The following NOP58 variants were observed in gnomAD, a reference collection of about 807,000 sequenced individuals.
NOP58 encodes the protein nucleolar protein 58.
A neutral mutation model predicts 71.2 loss-of-function variants in NOP58; 44 were observed. The observed-to-expected ratio is 0.62, with a 90% CI of 0.49 to 0.79. NOP58 has a LOEUF of 0.79. Ranked by LOEUF, NOP58 falls within the 30% of genes least tolerant of loss-of-function variation. The pLI, the probability that NOP58 is intolerant of heterozygous loss-of-function variation, is 0.00. For missense variants in NOP58, 538 were observed against 620.2 expected, an observed-to-expected ratio of 0.87 and a Z score of 1.41; for synonymous variants, 228 against 200.3, an observed-to-expected ratio of 1.14 and a Z score of -1.17.
chr2:202,270,914 C>T (rs1275915005), intron 1 of NOP58, among the ~76,000 whole-genome samples: 2 of 151,478 alleles, frequency 1.3e-5, no homozygotes, highest in African/African-American at 4.9e-5. Context: ...ATAGTGAAAC[C>T]CCGTCTCTAC....
At chr2:202,271,058 T>TGCGTGACAGG (rs1033597381) in intron 1 of NOP58, among the ~76,000 whole-genome samples, 1 of 151,684 alleles carries the variant, frequency 6.6e-6, no homozygotes, top group African/African-American at 2.4e-5. Context: ...CTCCCCAGCC[T>TGCGTGACAGG]GCGTGACAGG....
intron 7 of NOP58, 68 bp downstream of exon 7, chr2:202,290,525 G>A (rs1003656095): frequency 1.5e-5 from 21 of 1,358,832 alleles, no homozygotes; most frequent in Admixed American, 2.1e-5. Flanking sequence ...AAAACATGAC[G>A]TATAGCATTT....
At chr2:202,297,749 G>A (rs1296097530) in intron 11 of NOP58, 96 bp from the exon 12 acceptor site, 1 of 819,408 alleles carries the variant, frequency 1.2e-6, no homozygotes, top group African/African-American at 1.7e-5. Flanking sequence ...AGCAGAAATT[G>A]CTGTTTGCTG....
intron 3 of NOP58, among the ~76,000 whole-genome samples, chr2:202,278,533 G>A (rs1178366226): frequency 6.6e-6 from 1 of 152,176 alleles, no homozygotes; most frequent in Non-Finnish European, 1.5e-5. Context: ...CAGAAGAATG[G>A]ATGACTCATA....
intron 12 of NOP58, among the ~76,000 whole-genome samples, chr2:202,298,542 G>T (rs1418734852): frequency 6.6e-6 from 1 of 152,052 alleles, no homozygotes; most frequent in Non-Finnish European, 1.5e-5. Context: ...TGAGGCAGGA[G>T]AATTGCTTGA....
chr2:202,293,315 G>T (rs1688935748), intron 9 of NOP58, among the ~76,000 whole-genome samples: 1 of 152,000 alleles, frequency 6.6e-6, no homozygotes, highest in Non-Finnish European at 1.5e-5. Context: ...TTGTGCCCTT[G>T]ATTGATTACC....
At chr2:202,293,899 A>C (rs1235997372) in intron 9 of NOP58, among the ~76,000 whole-genome samples, 2 of 152,060 alleles carry the variant, frequency 1.3e-5, no homozygotes, top group Non-Finnish European at 2.9e-5. Flanking sequence ...TAGCTGCATC[A>C]TTAATCAAAG....
chr2:202,272,128 AG>A (rs1343445061), intron 1 of NOP58, among the ~76,000 whole-genome samples: 1 of 147,856 alleles, frequency 6.8e-6, no homozygotes, highest in African/African-American at 2.5e-5. Flanking sequence ...AGATGATTTT[AG>A]GGGTTTGTTC....
At chr2:202,287,875 C>G in intron 6 of NOP58, 151 bp downstream of exon 6, 1 of 581,276 alleles carries the variant, frequency 1.7e-6, no homozygotes, top group East Asian at 3.2e-5. Flanking sequence ...ACTTGGGAGG[C>G]TGAGGCAGGC....
intron 12 of NOP58, among the ~76,000 whole-genome samples, chr2:202,299,146 G>T (rs1689045486): frequency 6.6e-6 from 1 of 151,830 alleles, no homozygotes; most frequent in Non-Finnish European, 1.5e-5. Flanking sequence ...TTTTAGTAGA[G>T]TCGGGGTTTC....
intron 12 of NOP58, among the ~76,000 whole-genome samples, chr2:202,299,583 C>T (rs1282384401): frequency 6.6e-6 from 1 of 152,074 alleles, no homozygotes; most frequent in Non-Finnish European, 1.5e-5. Flanking sequence ...AAAAACAGAA[C>T]ATTTTTTAGC....
intron 2 of NOP58, chr2:202,275,661 A>G (rs1688578505): frequency 6.6e-6 from 1 of 150,834 alleles, no homozygotes; most frequent in Non-Finnish European, 1.5e-5. Context: ...TAGATGTTAA[A>G]TCTTTGGTTT....
At chr2:202,287,804 TTCTG>T (rs1420890652) in intron 6 of NOP58, 80 bp downstream of exon 6, 1 of 1,120,650 alleles carries the variant, frequency 8.9e-7, no homozygotes, top group Non-Finnish European at 1.4e-6. Context: ...TCTTTTATGA[TTCTG>T]TCTGTTGAGA....
In NOP58 at chr2:202,303,602, C is replaced by T. The variant is rs766930313; in HGVS notation, c.*166C>T. ...TTTGTCTTGACATCAACTCTGTTAA[C>T]CTTATGTCATCATTTCTTAGAGTCT... On this transcript the variant is annotated 3_prime_UTR_variant, in exon 15 of 15. Transcript: ENST00000264279. 10 of 768,130 alleles carry T rather than the reference C, an allele frequency of 1.3e-5. No individual in the cohort carries two copies. Among genetic ancestry groups the T allele is most frequent in the South Asian group, 3.9e-5 (1 of 25,412 alleles). The allele number at this position is 768,130 out of a possible 1,614,324, so 47.6% of individuals were successfully genotyped here. A position where few individuals can be genotyped will look rare whatever the true frequency, so the allele number is the denominator to read the frequency against.
chr2:202,294,571 A>AATAC (rs1364072342), intron 9 of NOP58, among the ~76,000 whole-genome samples: 1 of 152,174 alleles, frequency 6.6e-6, no homozygotes, highest in African/African-American at 2.4e-5. Flanking sequence ...TATACTGTAT[A>AATAC]TGCTGTTTTT....
At position 202,297,888 on chromosome 2, in the gene NOP58, A is replaced by G. The variant is rs1014050226; in HGVS notation, c.1250A>G (p.Glu417Gly). 2.5e-6 allele frequency: 4 copies of G among 1,586,628 alleles called. No individual in the cohort carries two copies. The highest frequency in any genetic ancestry group is 3.4e-6 in the Non-Finnish European group (4 of 1,167,990). Reference protein sequence around the residue: ...SGTGKALAKTEKYEHKSEVKT... With the variant: ...SGTGKALAKTGKYEHKSEVKT... ...ACAGGAAAAGCATTAGCAAAAACAG[A>G]AAAATATGAACACAAAAGGTGAGTA... is the stretch of plus-strand genomic sequence containing the variant. The change falls in exon 12 of 15, where the codon GAA (glutamate) becomes GGA (glycine). Residue 417 changes from glutamate (E) to glycine (G), a missense_variant. Coordinates refer to ENST00000264279, the MANE Select transcript of NOP58 (RefSeq NM_015934.5).
intron 11 of NOP58, 29 bp from the exon 12 acceptor site, chr2:202,297,816 G>A: frequency 7.8e-7 from 1 of 1,280,642 alleles, no homozygotes; most frequent in Admixed American, 2.1e-5. Flanking sequence ...ACTTAGAAGT[G>A]TATTTGTAAT....
chr2:202,293,197 T>C, intron 9 of NOP58: 1 of 557,168 alleles, frequency 1.8e-6, no homozygotes, highest in South Asian at 1.5e-5. Flanking sequence ...TGCAGGAGGA[T>C]AAAACAGTTA....
intron 1 of NOP58, among the ~76,000 whole-genome samples, chr2:202,270,404 C>G (rs923867645): frequency 6.6e-6 from 1 of 152,156 alleles, no homozygotes; most frequent in African/African-American, 2.4e-5. Flanking sequence ...CAGTTTTATC[C>G]TGTATTTAAA....
Sources: gnomAD v4.1 joint callset for allele counts (sites outside exome capture counted in the v4.1 genomes callset) on GRCh38, gnomAD v4.1.1 for gene constraint, MANE v1.5 for transcripts, NCBI Gene and HGNC (gene_info 2026-07-23, HGNC 2026-07-21) for gene names.